Variants in CPM observed in about 807,000 individuals in gnomAD.
The protein encoded by CPM is renal carboxypeptidase.
Under a neutral mutation model 46.4 loss-of-function variants are expected in CPM, and 35 were observed. The observed-to-expected ratio is 0.75, with a 90% CI of 0.58 to 1.00. The LOEUF is 1.00. CPM is among the 50% of genes least tolerant of loss of function. The pLI, the probability that CPM is intolerant of heterozygous loss-of-function variation, is 0.00. For missense variants in CPM, 422 were observed against 530.4 expected, an observed-to-expected ratio of 0.80 and a Z score of 2.01; for synonymous variants, 195 against 195.3, an observed-to-expected ratio of 1.00 and a Z score of 0.01.
chr12:68,929,496 C>T (rs572062999), intron 2 of CPM, among the ~76,000 whole-genome samples: 38 of 152,202 alleles, frequency 2.5e-4, no homozygotes, highest in African/African-American at 8.4e-4. Flanking sequence ...TCTCTTGTTT[C>T]ACCTAAGATT....
intron 1 of CPM, among the ~76,000 whole-genome samples, chr12:68,947,727 C>CT (rs1888870815): frequency 6.6e-6 from 1 of 152,030 alleles, no homozygotes; most frequent in Non-Finnish European, 1.5e-5. Flanking sequence ...TGACTGCAAC[C>CT]TTGACTTCCC....
chr12:68,892,646 G>A (rs1186354810), intron 2 of CPM, among the ~76,000 whole-genome samples: 1 of 152,068 alleles, frequency 6.6e-6, no homozygotes, highest in Non-Finnish European at 1.5e-5. Context: ...GATCACCTGA[G>A]GTTGGGAGTT....
chr12:68,907,423 G>A (rs973034006), intron 2 of CPM, among the ~76,000 whole-genome samples: 1 of 152,164 alleles, frequency 6.6e-6, no homozygotes, highest in African/African-American at 2.4e-5. Context: ...TGTGTAAAAG[G>A]AGGCTTATAA....
rs144607389 is a variant in CPM at position 68,897,598 on chromosome 12, G to A, written c.161-11709C>T. On this transcript the variant is annotated intron_variant, in intron 2 of 8. Coordinates refer to ENST00000551568, the MANE Select transcript of CPM (RefSeq NM_198320.5). ...TAAAGTTACAAAAAATTAGCCGGGCGTGGTGGTGTGTGCCTGTAATCCCAG... is the reference window on the plus strand; with the variant it reads ...TAAAGTTACAAAAAATTAGCCGGGCATGGTGGTGTGTGCCTGTAATCCCAG... 5.5e-3 allele frequency among the ~76,000 whole-genome samples: 839 copies of A among 152,136 alleles called. 4 individuals are homozygous for A. Among genetic ancestry groups the A allele is most frequent in the African/African-American group, 0.019 (785 of 41,496 alleles).
intron 6 of CPM, among the ~76,000 whole-genome samples, chr12:68,868,287 T>C (rs1885544019): frequency 6.6e-6 from 1 of 152,146 alleles, no homozygotes; most frequent in South Asian, 2.1e-4. Context: ...ACCTGTTGCC[T>C]ATCAGTTGTG....
chr12:68,920,833 G>A lies in CPM; in HGVS notation c.160+11845C>T, dbSNP rs1187595475. ...AGACTCCAGAGTAGCTGGGATTACA[G>A]GTGTGCACCACCATGCCTGGCTAAT... On this transcript the variant is annotated intron_variant, in intron 2 of 8. Coordinates refer to ENST00000551568, the MANE Select transcript of CPM (RefSeq NM_198320.5). Among the ~76,000 whole-genome samples the A allele has an allele frequency of 3.3e-5, 5 of 151,370 alleles. No homozygotes were observed. The East Asian group carries it at 5.8e-4, about 18-fold the overall frequency.
intron 1 of CPM, among the ~76,000 whole-genome samples, chr12:68,948,841 A>G (rs1310743036): frequency 6.6e-6 from 1 of 152,210 alleles, no homozygotes; most frequent in African/African-American, 2.4e-5. Flanking sequence ...CCCAGTAAGC[A>G]TGCCAATGTA....
At chr12:68,961,681 A>G (rs1258148228) in intron 1 of CPM, among the ~76,000 whole-genome samples, 1 of 151,666 alleles carries the variant, frequency 6.6e-6, no homozygotes, top group Non-Finnish European at 1.5e-5. Flanking sequence ...TGGGAGGCAG[A>G]GGCAGGTGGA....
At chr12:68,921,159 G>C (rs1321937771) in intron 2 of CPM, among the ~76,000 whole-genome samples, 1 of 147,666 alleles carries the variant, frequency 6.8e-6, no homozygotes, top group African/African-American at 2.5e-5. Flanking sequence ...TTTTGAGACA[G>C]AGTCTTGCTC....
Position 68,862,509 on chromosome 12 carries a change from C to T in CPM, c.941-3438G>A, listed in dbSNP as rs1282208761. On this transcript the variant is annotated intron_variant, in intron 7 of 8. Transcript: ENST00000551568. The stretch of plus-strand genomic sequence containing the variant: ...TTGGCCTCCCAAAGTGCTGGGATTA[C>T]AGGCCCAAAGACTCACTTTCATATG... 7.1e-5 allele frequency among the ~76,000 whole-genome samples: 10 copies of T among 140,170 alleles called. 1 individual carries two copies. The highest frequency in any genetic ancestry group is 9.3e-5 in the Non-Finnish European group (6 of 64,230). 92.0% of individuals were successfully genotyped at this position (140,170 alleles called of 152,430 possible).
At chr12:68,918,764 A>G (rs924742587) in intron 2 of CPM, among the ~76,000 whole-genome samples, 2 of 152,016 alleles carry the variant, frequency 1.3e-5, no homozygotes, top group Non-Finnish European at 2.9e-5. Context: ...CATCATCAAC[A>G]TTTGCCAGGA....
chr12:68,867,309 G>C (rs914110657), intron 6 of CPM, among the ~76,000 whole-genome samples: 15 of 151,978 alleles, frequency 9.9e-5, no homozygotes, highest in African/African-American at 3.4e-4. Flanking sequence ...GTGAAGGAAG[G>C]GTCCTTTTTT....
chr12:68,859,072 C>A lies in CPM; in HGVS notation c.941-1G>T. On this transcript the variant is annotated splice_acceptor_variant, in intron 7 of 8. Transcript: ENST00000551568. LOFTEE classifies it high-confidence loss of function. ...TGATCAAAAACTTGACCCTTTACAC[C>A]TGCAAGACAAAAATAAAATTAAATA... 6.8e-7 allele frequency: 1 copy of A among 1,460,726 alleles called. No individual in the cohort carries two copies. 90.5% of individuals were successfully genotyped at this position (1,460,726 alleles called of 1,614,324 possible). A position where few individuals can be genotyped will look rare whatever the true frequency, so the allele number is the denominator to read the frequency against.
At chr12:68,920,724 A>G (rs190168391) in intron 2 of CPM, among the ~76,000 whole-genome samples, 303 of 132,612 alleles carry the variant, frequency 2.3e-3, no homozygotes, top group African/African-American at 8.5e-3. Flanking sequence ...ACAGAGACTC[A>G]CTGTGGGCCA....
chr12:68,925,387 C>T (rs540304220), intron 2 of CPM, among the ~76,000 whole-genome samples: 3 of 152,098 alleles, frequency 2.0e-5, no homozygotes, highest in Non-Finnish European at 2.9e-5. Context: ...ACTGAGAATC[C>T]GGAATTTGAA....
chr12:68,895,614 T>A (rs994437612), intron 2 of CPM, among the ~76,000 whole-genome samples: 3 of 152,210 alleles, frequency 2.0e-5, no homozygotes, highest in African/African-American at 7.2e-5. Context: ...CTGATACCTG[T>A]GCTTTTTCAG....
At chr12:68,952,699 T>C (rs535449547) in intron 1 of CPM, among the ~76,000 whole-genome samples, 26 of 152,164 alleles carry the variant, frequency 1.7e-4, no homozygotes, top group Non-Finnish European at 3.5e-4. Flanking sequence ...TATGTCTTAT[T>C]TATAATCTTT....
Position 68,871,914 on chromosome 12 carries a change from C to G in CPM, c.301G>C (p.Val101Leu). The G allele has an allele frequency of 6.2e-7, 1 of 1,614,016 alleles. No homozygotes were observed. Among genetic ancestry groups the G allele is most frequent in the Non-Finnish European group, 8.5e-7 (1 of 1,180,010 alleles). Residue 101 changes from valine to leucine, a missense_variant, in exon 4 of 9, where the codon GTA becomes CTA. Coordinates refer to ENST00000551568, the MANE Select transcript of CPM (RefSeq NM_198320.5). ...TCAGGGTCTTTGCCATCACTGGTTA[C>G]GAGATAGTCAATCAGATGGAGCAGC... is the stretch of plus-strand genomic sequence containing the variant. ...ELLLHLIDYL[V>L]TSDGKDPEIT... is the part of the protein sequence containing the mutation.
intron 2 of CPM, among the ~76,000 whole-genome samples, chr12:68,914,293 A>G (rs1015909572): frequency 1.3e-5 from 2 of 151,252 alleles, no homozygotes; most frequent in African/African-American, 4.9e-5. Context: ...CCAATTTAGC[A>G]CAAAAGTCTG....
Sources: allele counts gnomAD v4.1 joint callset (sites outside exome capture counted in the v4.1 genomes callset), GRCh38; gene constraint gnomAD v4.1.1; transcripts MANE v1.5; gene names NCBI Gene and HGNC (gene_info 2026-07-23, HGNC 2026-07-21).